Variants in TESK2 observed in about 807,000 individuals in gnomAD.
TESK2 encodes the protein testis associated actin remodelling kinase 2.
A neutral mutation model predicts 57.1 loss-of-function variants in TESK2; 39 were observed. The ratio of observed to expected loss-of-function variants is 0.68; its 90% CI spans 0.53 to 0.89. The LOEUF (loss-of-function observed/expected upper bound fraction) is 0.89, where lower values mean the gene tolerates loss of function less well. Ranked by LOEUF, TESK2 falls within the 40% of genes least tolerant of loss-of-function variation. The pLI is 0.00. For missense variants in TESK2, 646 were observed against 732.1 expected, an observed-to-expected ratio of 0.88 and a Z score of 1.36; for synonymous variants, 249 against 267.9, an observed-to-expected ratio of 0.93 and a Z score of 0.69.
chr1:45,414,170 T>C (rs1361825388), intron 3 of TESK2, among the ~76,000 whole-genome samples: 1 of 152,204 alleles, frequency 6.6e-6, no homozygotes, highest in Non-Finnish European at 1.5e-5. Flanking sequence ...AATTTCCTTT[T>C]GTTGTCTTCA....
intron 4 of TESK2, among the ~76,000 whole-genome samples, chr1:45,364,465 G>C (rs1647825619): frequency 6.6e-6 from 1 of 152,216 alleles, no homozygotes; most frequent in East Asian, 1.9e-4. Context: ...AGAGCCTTCA[G>C]AGAGAACAAG....
At chr1:45,361,532 C>T (rs987535251) in intron 4 of TESK2, among the ~76,000 whole-genome samples, 1 of 152,212 alleles carries the variant, frequency 6.6e-6, no homozygotes, top group East Asian at 1.9e-4. Context: ...CTCACTTCCT[C>T]ACGGTCTAAT....
At chr1:45,435,562 ATTTTTTTTTT>A (rs750074178) in intron 2 of TESK2, among the ~76,000 whole-genome samples, 1 of 68,888 alleles carries the variant, frequency 1.5e-5, no homozygotes, top group African/African-American at 7.0e-5. Context: ...CTGTGGTCTA[ATTTTTTTTTT>A]TTTTTTTTTT....
chr1:45,396,111 T>A (rs548238473), intron 3 of TESK2, among the ~76,000 whole-genome samples: 13 of 152,066 alleles, frequency 8.5e-5, no homozygotes, highest in South Asian at 2.1e-4. Context: ...TTTTATTTAT[T>A]TTTATTTATT....
chr1:45,358,169 C>A (rs1291857307), intron 4 of TESK2, among the ~76,000 whole-genome samples: 3 of 151,852 alleles, frequency 2.0e-5, no homozygotes, highest in African/African-American at 7.2e-5. Flanking sequence ...AAAAATTAGC[C>A]GGGCGTGGTT....
intron 2 of TESK2, among the ~76,000 whole-genome samples, chr1:45,440,897 T>C (rs533647621): frequency 6.6e-6 from 1 of 152,124 alleles, no homozygotes; most frequent in Non-Finnish European, 1.5e-5. Context: ...CAGCAAGAAC[T>C]TGAGGCCCTC....
chr1:45,486,353 T>C (rs1653474292), intron 1 of TESK2, among the ~76,000 whole-genome samples: 1 of 152,196 alleles, frequency 6.6e-6, no homozygotes, highest in South Asian at 2.1e-4. Flanking sequence ...AATATATGTA[T>C]AAATACTTTC....
intron 1 of TESK2, among the ~76,000 whole-genome samples, chr1:45,472,702 T>A (rs1159231447): frequency 6.6e-6 from 1 of 152,004 alleles, no homozygotes; most frequent in African/African-American, 2.4e-5. Flanking sequence ...AAGGATATGA[T>A]GTGTAAGGAG....
intron 1 of TESK2, among the ~76,000 whole-genome samples, chr1:45,477,364 GA>G (rs1570771193): frequency 6.6e-6 from 1 of 152,076 alleles, no homozygotes; most frequent in East Asian, 1.9e-4. Context: ...ATTTTTTCCT[GA>G]TAAAAGTTCA....
chr1:45,387,183 T>A (rs1406518023), intron 3 of TESK2, among the ~76,000 whole-genome samples: 2 of 152,110 alleles, frequency 1.3e-5, no homozygotes, highest in Non-Finnish European at 2.9e-5. Context: ...AACAGCATGG[T>A]ATAATGGAAA....
chr1:45,389,544 C>G (rs1649054350), intron 3 of TESK2, among the ~76,000 whole-genome samples: 1 of 152,182 alleles, frequency 6.6e-6, no homozygotes, highest in Non-Finnish European at 1.5e-5. Flanking sequence ...TGTGGCCTCT[C>G]AACCCTGGAC....
chr1:45,418,817 C>A (rs1032301973), intron 3 of TESK2, among the ~76,000 whole-genome samples: 5 of 152,000 alleles, frequency 3.3e-5, no homozygotes, highest in Non-Finnish European at 7.4e-5. Context: ...TTCTAAAATC[C>A]TTTTAAAAAT....
intron 4 of TESK2, among the ~76,000 whole-genome samples, chr1:45,371,889 G>A (rs1648202702): frequency 6.6e-6 from 1 of 151,380 alleles, no homozygotes; most frequent in Non-Finnish European, 1.5e-5. Context: ...AAATAGAATG[G>A]TTGTTACCAG....
chr1:45,410,628 A>G (rs1180741093), intron 3 of TESK2, among the ~76,000 whole-genome samples: 1 of 152,150 alleles, frequency 6.6e-6, no homozygotes, highest in Middle Eastern at 3.2e-3. Context: ...TTTTTTTTTA[A>G]AACACTGCCC....
chr1:45,368,783 T>TAA (rs1473076507), intron 4 of TESK2, among the ~76,000 whole-genome samples: 8 of 151,426 alleles, frequency 5.3e-5, no homozygotes, highest in Non-Finnish European at 1.2e-4. Flanking sequence ...AGTTTTGTTC[T>TAA]TGTTGCCCAG....
At chr1:45,354,815 AATATATATATAT>A (rs199613712) in intron 5 of TESK2, among the ~76,000 whole-genome samples, 6 of 40,688 alleles carry the variant, frequency 1.5e-4, no homozygotes, top group African/African-American at 3.7e-4. Context: ...AAAAAAAAAA[AATATATATATAT>A]ATATATATAT....
intron 3 of TESK2, among the ~76,000 whole-genome samples, 184 bp from the exon 4 acceptor site, chr1:45,386,144 A>T (rs1648884093): frequency 6.6e-6 from 1 of 152,204 alleles, no homozygotes; most frequent in East Asian, 1.9e-4. Flanking sequence ...CAGGAGTTCA[A>T]GACCATCCTG....
At chr1:45,423,071 ATG>A (rs1261670610) in intron 2 of TESK2, among the ~76,000 whole-genome samples, 1 of 152,090 alleles carries the variant, frequency 6.6e-6, no homozygotes, top group Non-Finnish European at 1.5e-5. Flanking sequence ...GAAAAAAAAA[ATG>A]AGGGAAAATT....
At chr1:45,420,564 ATTT>A (rs200053502) in intron 3 of TESK2, among the ~76,000 whole-genome samples, 3 of 125,704 alleles carry the variant, frequency 2.4e-5, no homozygotes, top group Non-Finnish European at 3.4e-5. Context: ...GCCAAATAAA[ATTT>A]TTTTTTTTTT....
Sources: gnomAD v4.1 joint callset for allele counts (sites outside exome capture counted in the v4.1 genomes callset) on GRCh38, gnomAD v4.1.1 for gene constraint, MANE v1.5 for transcripts, NCBI Gene and HGNC (gene_info 2026-07-23, HGNC 2026-07-21) for gene names.